NCAM1: variants seen among roughly 807,000 people sequenced by gnomAD.
NCAM1 encodes the protein antigen recognized by monoclonal antibody 5.1H11.
A neutral mutation model predicts 109.8 loss-of-function variants in NCAM1; 14 were observed. The observed-to-expected ratio is 0.13, with a 90% confidence interval of 0.08 to 0.20. The LOEUF (loss-of-function observed/expected upper bound fraction) is 0.20. Among genes scored for constraint, NCAM1 ranks in the 10% least tolerant of loss-of-function variants. The probability of loss-of-function intolerance (pLI) is 1.00; values close to 1 mark genes in which losing one functional copy is unlikely to be tolerated. For synonymous variants in NCAM1, 418 were observed against 442.9 expected (o/e 0.94, Z 0.70); for missense variants, 774 against 1,109.9 (o/e 0.70, Z 4.30).
chr11:113,249,989 G>A (rs1255371442), intron 15 of NCAM1, among the ~76,000 whole-genome samples: 2 of 152,178 alleles, frequency 1.3e-5, no homozygotes, highest in African/African-American at 4.8e-5. Context: ...GCTGGGAACC[G>A]GCCGTGCCCA....
At chr11:113,044,733 C>A (rs1953204916) in intron 1 of NCAM1, among the ~76,000 whole-genome samples, 1 of 151,666 alleles carries the variant, frequency 6.6e-6, no homozygotes, top group East Asian at 2.0e-4. Flanking sequence ...CAATGAAATG[C>A]CAGCTTGTGA....
At chr11:113,242,115 A>G (rs1945345265) in intron 14 of NCAM1, among the ~76,000 whole-genome samples, 1 of 152,204 alleles carries the variant, frequency 6.6e-6, no homozygotes, top group South Asian at 2.1e-4. Context: ...TCTTACCTCT[A>G]AGGTGAAGGA....
At chr11:113,150,397 G>A (rs1322604627) in intron 1 of NCAM1, among the ~76,000 whole-genome samples, 2 of 152,286 alleles carry the variant, frequency 1.3e-5, no homozygotes, top group Non-Finnish European at 2.9e-5. Flanking sequence ...TGAGTCCCTC[G>A]GGTTCGTATG....
chr11:113,025,063 A>C (rs1555076943), intron 1 of NCAM1, among the ~76,000 whole-genome samples: 1 of 152,228 alleles, frequency 6.6e-6, no homozygotes, highest in Non-Finnish European at 1.5e-5. Flanking sequence ...ATTCCAGGAA[A>C]TGCTGTAGTC....
At chr11:113,109,397 A>G (rs1555093206) in intron 1 of NCAM1, among the ~76,000 whole-genome samples, 1 of 151,554 alleles carries the variant, frequency 6.6e-6, no homozygotes, top group Admixed American at 6.6e-5. Flanking sequence ...GGAATTGGAG[A>G]TTAGAATATT....
intron 1 of NCAM1, among the ~76,000 whole-genome samples, chr11:112,983,238 T>C (rs1951200761): frequency 6.6e-6 from 1 of 152,012 alleles, no homozygotes; most frequent in Non-Finnish European, 1.5e-5. Flanking sequence ...TTGGGGTTTT[T>C]ATCTTCTAGT....
At chr11:113,205,157 A>T (rs1474496448) in intron 3 of NCAM1, among the ~76,000 whole-genome samples, 1 of 152,142 alleles carries the variant, frequency 6.6e-6, no homozygotes, top group Non-Finnish European at 1.5e-5. Flanking sequence ...AGGACTGATG[A>T]TTCTTACTAT....
chr11:113,100,268 C>T (rs1939811433), intron 1 of NCAM1, among the ~76,000 whole-genome samples: 1 of 152,162 alleles, frequency 6.6e-6, no homozygotes, highest in African/African-American at 2.4e-5. Flanking sequence ...GGGGAGCACA[C>T]AAGCAAGTGG....
intron 14 of NCAM1, among the ~76,000 whole-genome samples, chr11:113,244,036 C>T (rs146920959): frequency 1.2e-4 from 19 of 152,042 alleles, no homozygotes; most frequent in Non-Finnish European, 2.5e-4. Flanking sequence ...AGGCTGTGCT[C>T]GCATGGGTTT....
At chr11:113,000,465 T>C (rs1951716582) in intron 1 of NCAM1, among the ~76,000 whole-genome samples, 1 of 152,136 alleles carries the variant, frequency 6.6e-6, no homozygotes, top group African/African-American at 2.4e-5. Flanking sequence ...GTATTATTAG[T>C]ATTATTATTA....
intron 1 of NCAM1, among the ~76,000 whole-genome samples, chr11:112,966,208 A>C (rs1555065331): frequency 6.6e-6 from 1 of 152,250 alleles, no homozygotes; most frequent in African/African-American, 2.4e-5. Context: ...ATTACACAAA[A>C]TTGAAAACAT....
At chr11:113,217,811 T>C (rs1944574194) in intron 8 of NCAM1, among the ~76,000 whole-genome samples, 1 of 152,242 alleles carries the variant, frequency 6.6e-6, no homozygotes, top group Non-Finnish European at 1.5e-5. Context: ...AACAGGGTCA[T>C]GGTGGCAATT....
chr11:113,003,344 C>T (rs1223793759), intron 1 of NCAM1, among the ~76,000 whole-genome samples: 1 of 152,180 alleles, frequency 6.6e-6, no homozygotes, highest in Non-Finnish European at 1.5e-5. Flanking sequence ...ATGAAATGTC[C>T]CAAATAATTC....
chr11:113,045,845 T>G (rs61543133), intron 1 of NCAM1, among the ~76,000 whole-genome samples: 70,815 of 148,536 alleles, frequency 0.48, 17,232 homozygotes, highest in East Asian at 0.81. Context: ...GATAAAAGAG[T>G]TTTTTTTTTT....
chr11:113,257,338 A>G (rs1945859249), intron 16 of NCAM1, among the ~76,000 whole-genome samples: 1 of 152,242 alleles, frequency 6.6e-6, no homozygotes, highest in African/African-American at 2.4e-5. Context: ...TAGCTTTACT[A>G]CTTATTCTGG....
rs1555064332 is a variant in NCAM1, at chr11:112,963,816, C to T, written c.52+2152C>T. Reference sequence around the variant, plus strand: ...TTGGATCCCGTGGAAGTTGCAGGCCCAGGAATTCCCACTGGGATGTTCCTG... The same window carrying T: ...TTGGATCCCGTGGAAGTTGCAGGCCTAGGAATTCCCACTGGGATGTTCCTG... On this transcript the variant is annotated intron_variant, in intron 1 of 19. Coordinates refer to ENST00000316851, the MANE Select transcript of NCAM1 (RefSeq NM_181351.5). The surrounding 1 kb of genome is among the most constrained non-coding windows in gnomAD (Gnocchi z 4.6). Among the ~76,000 whole-genome samples, 1 of 152,110 alleles carries T rather than the reference C, an allele frequency of 6.6e-6. No individual in the cohort carries two copies. The highest frequency in any genetic ancestry group is 1.5e-5 in the Non-Finnish European group (1 of 68,022).
chr11:113,009,311 G>GGTTTTTTTGTT lies in NCAM1; in HGVS notation c.52+47655_52+47656insGTTGTTTTTTT, dbSNP rs1192369836. ...TGATTTAATTGGAAGGGTTTTTTCG[G>GGTTTTTTTGTT]GTTTTTTTTTTTTTTTTTTTTTTTT... On this transcript the variant is annotated intron_variant, in intron 1 of 19. Coordinates refer to ENST00000316851, the MANE Select transcript of NCAM1 (RefSeq NM_181351.5). Among the ~76,000 whole-genome samples, 400 of 90,328 alleles carry GGTTTTTTTGTT rather than the reference G, an allele frequency of 4.4e-3. 15 individuals carry two copies. The highest frequency in any genetic ancestry group is 7.6e-3 in the East Asian group (10 of 1,308). 59.3% of individuals were successfully genotyped at this position (90,328 alleles called of 152,430 possible).
chr11:113,121,731 G>T (rs1555096106), intron 1 of NCAM1, among the ~76,000 whole-genome samples: 1 of 152,078 alleles, frequency 6.6e-6, no homozygotes, highest in African/African-American at 2.4e-5. Flanking sequence ...CAGGAAAATA[G>T]AATCAACTCA....
chr11:113,254,441 A>T (rs1484293468), intron 15 of NCAM1, among the ~76,000 whole-genome samples: 1 of 152,216 alleles, frequency 6.6e-6, no homozygotes, highest in African/African-American at 2.4e-5. Flanking sequence ...CTAAATGTGC[A>T]CAGAGATCAC....
Sources: allele counts gnomAD v4.1 joint callset (sites outside exome capture counted in the v4.1 genomes callset), GRCh38; gene constraint gnomAD v4.1.1; non-coding constraint Gnocchi (gnomAD v3.1); transcripts MANE v1.5; gene names NCBI Gene and HGNC (gene_info 2026-07-23, HGNC 2026-07-21).